The following ATXN7L3 variants were observed in gnomAD, a reference collection of about 807,000 sequenced individuals.
ATXN7L3 encodes ataxin 7 like 3.
In ATXN7L3, 6 loss-of-function variants were observed where a neutral mutation model predicts 50.0. The ratio of observed to expected loss-of-function variants is 0.12; its 90% confidence interval spans 0.07 to 0.24. The LOEUF is 0.24. Ranked by LOEUF, ATXN7L3 falls within the 10% of genes least tolerant of loss-of-function variation. The probability of loss-of-function intolerance (pLI) is 1.00; values close to 1 mark genes in which losing one functional copy is unlikely to be tolerated. For synonymous variants in ATXN7L3, 198 were observed against 165.8 expected (o/e 1.19, Z -1.49); for missense variants, 322 against 451.3 (o/e 0.71, Z 2.60).
Position 44,196,998 on chromosome 17 carries a change from A to G in ATXN7L3, c.385T>C (p.Ser129Pro). The G allele has an allele frequency of 4.3e-6, 7 of 1,613,192 alleles. No homozygotes were observed. The highest frequency in any genetic ancestry group is 5.9e-6 in the Non-Finnish European group (7 of 1,179,544). ...RIANSNNMNK[S>P]ESDQEDNDDI... ...TCATTATCTTCTTGGTCACTCTCAG[A>G]CTTATTCATATTGTTGCTATTGGCA... The change falls in exon 5 of 13, where the codon TCT becomes CCT. Residue 129 changes from serine to proline, a missense_variant. Physicochemically the swap from Ser to Pro is moderately conservative, Grantham distance 74 (BLOSUM62 -1). Around this residue, in one of 5 missense-constraint regions of ATXN7L3, gnomAD observed 95 missense variants for 98.1 expected, o/e 0.97. Transcript: ENST00000587097.
rs746043766 is a variant in ATXN7L3 at position 44,198,091 on chromosome 17, G to A, written c.-21C>T. On this transcript the variant is annotated 5_prime_UTR_variant, in exon 2 of 13. Coordinates refer to ENST00000587097, the MANE Select transcript of ATXN7L3 (RefSeq NM_001382309.1). Reference sequence around the variant, plus strand: ...TTCATTTGTAAACTCTTGTGGAGACGGCGCTCTGACTGCTCATAGCACAGC... The same window carrying A: ...TTCATTTGTAAACTCTTGTGGAGACAGCGCTCTGACTGCTCATAGCACAGC... 8 of 1,613,436 alleles carry A rather than the reference G, an allele frequency of 5.0e-6. No homozygotes were observed. The highest frequency in any genetic ancestry group is 2.2e-5 in the South Asian group (2 of 91,052).
At position 44,193,069 on chromosome 17, in the gene ATXN7L3, G is replaced by A. The variant is rs566754290; in HGVS notation, c.*1194C>T. On this transcript the variant is annotated 3_prime_UTR_variant, in exon 13 of 13. Coordinates refer to ENST00000587097, the MANE Select transcript of ATXN7L3 (RefSeq NM_001382309.1). ...ACACTGGCATGACAGTCCCACAGAG[G>A]GGCAGTGACACCCCTTCCCCTCCAC... is the stretch of plus-strand genomic sequence containing the variant. 4.6e-5 allele frequency: 7 copies of A among 152,356 alleles called. No homozygotes were observed. Among genetic ancestry groups the A allele is most frequent in the East Asian group, 1.9e-4 (1 of 5,188 alleles). 9.4% of individuals were successfully genotyped at this position (152,356 alleles called of 1,614,324 possible). A position where few individuals can be genotyped will look rare whatever the true frequency, so the allele number is the denominator to read the frequency against.
chr17:44,197,985 G>T (rs994982046), intron 2 of ATXN7L3, 35 bp downstream of exon 2: 2 of 1,605,484 alleles, frequency 1.2e-6, no homozygotes, highest in South Asian at 2.2e-5. Context: ...GACATCAAGA[G>T]AAAGAACTGG....
In ATXN7L3 at chr17:44,197,225, C is replaced by A; in HGVS notation, c.356+3G>T. 11 of 1,587,496 alleles carry A rather than the reference C, an allele frequency of 6.9e-6. No homozygotes were observed. Among genetic ancestry groups the A allele is most frequent in the Non-Finnish European group, 9.4e-6 (11 of 1,164,064 alleles). On this transcript the variant is annotated splice_donor_region_variant and intron_variant, in intron 4 of 12. Transcript: ENST00000587097. ...AGAGAACGGGCAGCTCTGGTTCCCT[C>A]ACCGGCGGTTGGCGATTCGGCTGCT...
At chr17:44,199,063 C>A (rs1057484467) in intron 1 of ATXN7L3, 6 of 152,470 alleles carry the variant, frequency 3.9e-5, no homozygotes, top group Admixed American at 3.3e-4. Context: ...CTGCATCATA[C>A]CGACTGGGGG....
intron 9 of ATXN7L3, 58 bp downstream of exon 9, chr17:44,195,361 A>T: frequency 6.4e-7 from 1 of 1,551,448 alleles, no homozygotes; most frequent in Middle Eastern, 1.7e-4. Context: ...GGCCTTGACC[A>T]CTGCCTATGG....
At chr17:44,199,329 G>C (rs2056054641) in intron 1 of ATXN7L3, 167 bp downstream of exon 1, 1 of 151,180 alleles carries the variant, frequency 6.6e-6, no homozygotes, top group African/African-American at 2.4e-5. Flanking sequence ...CCCCGGCCCG[G>C]CCGGGAAGCT....
chr17:44,197,158 C>T (rs2055938169), intron 4 of ATXN7L3, 70 bp downstream of exon 4: 1 of 1,567,246 alleles, frequency 6.4e-7, no homozygotes, highest in African/African-American at 1.4e-5. Flanking sequence ...CCCTCTGTAC[C>T]TTCCCAATGC....
Position 44,197,660 on chromosome 17 carries a change from C to T in ATXN7L3, c.122G>A (p.Arg41Gln), listed in dbSNP as rs2055962172. The change falls in exon 3 of 13, where the codon CGG becomes CAG. Residue 41 changes from arginine to glutamine, a missense_variant. Arg to Gln is a conservative substitution (Grantham distance 43). Coordinates refer to ENST00000587097, the MANE Select transcript of ATXN7L3 (RefSeq NM_001382309.1). ...GAAGAAGTAGCCACACTTGACAGCC[C>T]GGTGTACCTCAAAGCAGAATCCCAA... is the stretch of plus-strand genomic sequence containing the variant. ...SCLGFCFEVH[R>Q]AVKCGYFFLD... The T allele has an allele frequency of 1.2e-6, 2 of 1,614,110 alleles. No homozygotes were observed. Among genetic ancestry groups the T allele is most frequent in the Non-Finnish European group, 1.7e-6 (2 of 1,180,044 alleles).
chr17:44,196,328 TC>T, intron 6 of ATXN7L3, 67 bp downstream of exon 6: 1 of 1,578,460 alleles, frequency 6.3e-7, no homozygotes, highest in Non-Finnish European at 8.7e-7. Context: ...ACTCGAGGAC[TC>T]CCTGCCCAAA....
At position 44,196,077 on chromosome 17, in the gene ATXN7L3, G is replaced by C; in HGVS notation, c.480C>G (p.Asn160Lys). The C allele has an allele frequency of 6.2e-7, 1 of 1,613,298 alleles. No individual in the cohort carries two copies. Among genetic ancestry groups the C allele is most frequent in the Non-Finnish European group, 8.5e-7 (1 of 1,179,304 alleles). Residue 160 changes from asparagine (N) to lysine (K), a missense_variant and splice_region_variant, in exon 7 of 13, where the codon AAC becomes AAG. Coordinates refer to ENST00000587097, the MANE Select transcript of ATXN7L3 (RefSeq NM_001382309.1). ...KKAKKRKSDK[N>K]PNSPRRSKSL... Reference sequence around the variant, plus strand: ...ACTTGGATCTTCGAGGGGAATTGGGGTTCTGGAATGGGAGATACCATAGCT... The same window carrying C: ...ACTTGGATCTTCGAGGGGAATTGGGCTTCTGGAATGGGAGATACCATAGCT...
chr17:44,196,818 A>C, intron 5 of ATXN7L3, 111 bp downstream of exon 5: 1 of 715,114 alleles, frequency 1.4e-6, no homozygotes. Flanking sequence ...AAATCGCGTA[A>C]CTACACTCTC....
intron 7 of ATXN7L3, 25 bp downstream of exon 7, chr17:44,196,009 T>C: frequency 6.3e-7 from 1 of 1,591,152 alleles, no homozygotes; most frequent in Non-Finnish European, 8.6e-7. Flanking sequence ...GCTAGAAGCA[T>C]TCCCATTGCT....
At position 44,194,652 on chromosome 17, in the gene ATXN7L3, A is replaced by T; in HGVS notation, c.760T>A (p.Ser254Thr). 3.1e-6 allele frequency: 5 copies of T among 1,614,062 alleles called. No homozygotes were observed. The highest frequency in any genetic ancestry group is 4.2e-6 in the Non-Finnish European group (5 of 1,180,008). Residue 254 changes from serine (S) to threonine (T), a missense_variant, in exon 12 of 13, where the codon TCC becomes ACC. Ser to Thr is a moderately conservative substitution (Grantham distance 58, BLOSUM62 1). Transcript: ENST00000587097. Reference protein sequence around the residue: ...PSAVLPEVESSLDNDSFDMTD... With the variant: ...PSAVLPEVESTLDNDSFDMTD... ...ATGTCAAAGCTGTCATTATCCAGGGAGCTCTCGACCTCTGGAAGGACACTG... is the reference window on the plus strand; with the variant it reads ...ATGTCAAAGCTGTCATTATCCAGGGTGCTCTCGACCTCTGGAAGGACACTG...
intron 2 of ATXN7L3, 37 bp from the exon 3 acceptor site, chr17:44,197,767 T>C (rs1419434259): frequency 6.2e-7 from 1 of 1,613,816 alleles, no homozygotes; most frequent in Non-Finnish European, 8.5e-7. Flanking sequence ...GTCACAAGAG[T>C]CACAGCCCCC....
At chr17:44,197,057 A>G in intron 4 of ATXN7L3, 31 bp from the exon 5 acceptor site, 1 of 1,580,628 alleles carries the variant, frequency 6.3e-7, no homozygotes, top group Non-Finnish European at 8.7e-7. Context: ...AAAGGGGCCA[A>G]GGGGAAGGAA....
Position 44,198,114 on chromosome 17 carries a change from A to T in ATXN7L3, c.-44T>A. ...ACGGCGCTCTGACTGCTCATAGCAC[A>T]GCGGGCGGCAACACGGCTGCACACA... On this transcript the variant is annotated 5_prime_UTR_variant, in exon 2 of 13. Coordinates refer to ENST00000587097, the MANE Select transcript of ATXN7L3 (RefSeq NM_001382309.1). 6.3e-7 allele frequency: 1 copy of T among 1,597,032 alleles called. No individual in the cohort carries two copies. Among genetic ancestry groups the T allele is most frequent in the Non-Finnish European group, 8.6e-7 (1 of 1,166,166 alleles).
intron 3 of ATXN7L3, 68 bp from the exon 4 acceptor site, chr17:44,197,467 C>A: frequency 6.4e-7 from 1 of 1,572,426 alleles, no homozygotes; most frequent in Non-Finnish European, 8.6e-7. Context: ...CCTGGGGTCC[C>A]ACGGCCTCTT....
chr17:44,198,093 C>T lies in ATXN7L3; in HGVS notation c.-23G>A. 3 of 1,612,768 alleles carry T rather than the reference C, an allele frequency of 1.9e-6. No homozygotes were observed. The highest frequency in any genetic ancestry group is 1.7e-5 in the Admixed American group (1 of 59,888). ...CATTTGTAAACTCTTGTGGAGACGG[C>T]GCTCTGACTGCTCATAGCACAGCGG... is the stretch of plus-strand genomic sequence containing the variant. On this transcript the variant is annotated 5_prime_UTR_variant, in exon 2 of 13. Coordinates refer to ENST00000587097, the MANE Select transcript of ATXN7L3 (RefSeq NM_001382309.1).
Sources: allele counts gnomAD v4.1 joint callset, GRCh38; gene constraint gnomAD v4.1.1; regional missense constraint gnomAD v4.1.1; transcripts MANE v1.5; gene names NCBI Gene and HGNC (gene_info 2026-07-23, HGNC 2026-07-21).